HS6ST3: variants seen among roughly 807,000 people sequenced by gnomAD.
HS6ST3 encodes the protein heparan-sulfate 6-O-sulfotransferase 3.
Under a neutral mutation model 36.7 loss-of-function variants are expected in HS6ST3, and 12 were observed. That is an observed-to-expected ratio of 0.33 (90% CI 0.21 to 0.53). The LOEUF (loss-of-function observed/expected upper bound fraction) is 0.53. HS6ST3 is among the 20% of genes least tolerant of loss of function. HS6ST3 has a pLI of 0.95. For synonymous variants in HS6ST3, 240 were observed against 257.5 expected (o/e 0.93, Z 0.65); for missense variants, 584 against 640.9 (o/e 0.91, Z 0.96).
At chr13:96,255,453 G>T (rs1025802320) in intron 1 of HS6ST3, among the ~76,000 whole-genome samples, 2 of 152,082 alleles carry the variant, frequency 1.3e-5, no homozygotes, top group Admixed American at 1.3e-4. Context: ...GTATATATTT[G>T]TCTAATACAC....
At chr13:96,391,273 C>T (rs1176827357) in intron 1 of HS6ST3, among the ~76,000 whole-genome samples, 1 of 152,064 alleles carries the variant, frequency 6.6e-6, no homozygotes, top group African/African-American at 2.4e-5. Context: ...GCTGTGTGTT[C>T]CCATTACTTT....
chr13:96,224,710 T>C (rs2054472033), intron 1 of HS6ST3, among the ~76,000 whole-genome samples: 1 of 152,182 alleles, frequency 6.6e-6, no homozygotes, highest in African/African-American at 2.4e-5. Context: ...TGTTTTAGGA[T>C]AAAAGGAGAC....
intron 1 of HS6ST3, among the ~76,000 whole-genome samples, chr13:96,615,021 A>G (rs1156237892): frequency 6.6e-6 from 1 of 152,104 alleles, no homozygotes; most frequent in Non-Finnish European, 1.5e-5. Flanking sequence ...TACATTTTTT[A>G]CAAGATATCT....
At chr13:96,180,793 C>G (rs2054236219) in intron 1 of HS6ST3, among the ~76,000 whole-genome samples, 1 of 152,120 alleles carries the variant, frequency 6.6e-6, no homozygotes, top group Non-Finnish European at 1.5e-5. Context: ...TCATAGCTAC[C>G]AAGTGGTGAG....
rs144062960 is a variant in HS6ST3 at position 96,316,382 on chromosome 13, T to A, written c.707+224813T>A. Among the ~76,000 whole-genome samples the A allele has an allele frequency of 7.2e-4, 109 of 151,944 alleles. 2 individuals carry two copies. The highest frequency in any genetic ancestry group is 2.5e-3 in the African/African-American group (104 of 41,462). On this transcript the variant is annotated intron_variant, in intron 1 of 1. Coordinates refer to ENST00000376705, the MANE Select transcript of HS6ST3 (RefSeq NM_153456.4). ...TCAAAACGAAGAATCAAATAAAAAGTAAACATAACTTCCCTAAGTTCCAAA... is the reference window on the plus strand; with the variant it reads ...TCAAAACGAAGAATCAAATAAAAAGAAAACATAACTTCCCTAAGTTCCAAA...
chr13:96,748,632 C>A (rs1035449651), intron 1 of HS6ST3, among the ~76,000 whole-genome samples: 36 of 151,918 alleles, frequency 2.4e-4, no homozygotes, highest in African/African-American at 8.2e-4. Context: ...CTGGTCTCAC[C>A]CACTACAATG....
intron 1 of HS6ST3, among the ~76,000 whole-genome samples, chr13:96,827,445 T>G (rs1878672519): frequency 6.6e-6 from 1 of 152,208 alleles, no homozygotes; most frequent in South Asian, 2.1e-4. Context: ...TATTATTACT[T>G]CTAACTTTCT....
In HS6ST3 at chr13:96,833,954, C is replaced by A. The variant is rs1399073259; in HGVS notation, c.*756C>A. The stretch of plus-strand genomic sequence containing the variant: ...GTAGGAGCATTTAAGAGAAAACTTG[C>A]TTATTTGCTAATGCCTAAAGGGGTC... On this transcript the variant is annotated 3_prime_UTR_variant, in exon 2 of 2. Coordinates refer to ENST00000376705, the MANE Select transcript of HS6ST3 (RefSeq NM_153456.4). 6.6e-6 allele frequency: 1 copy of A among 152,070 alleles called. No homozygotes were observed. The highest frequency in any genetic ancestry group is 1.5e-5 in the Non-Finnish European group (1 of 67,998). 9.4% of individuals were successfully genotyped at this position (152,070 alleles called of 1,614,324 possible). A position where few individuals can be genotyped will look rare whatever the true frequency, so the allele number is the denominator to read the frequency against.
chr13:96,156,632 C>T (rs1161645028), intron 1 of HS6ST3, among the ~76,000 whole-genome samples: 2 of 152,044 alleles, frequency 1.3e-5, no homozygotes, highest in African/African-American at 4.8e-5. Flanking sequence ...AGGACATGGG[C>T]TTTGTGTGGG....
intron 1 of HS6ST3, among the ~76,000 whole-genome samples, chr13:96,189,074 T>C (rs1231470998): frequency 6.6e-6 from 1 of 152,154 alleles, no homozygotes; most frequent in Admixed American, 6.5e-5. Context: ...TCATTTTTCT[T>C]CATCTATAAT....
intron 1 of HS6ST3, among the ~76,000 whole-genome samples, chr13:96,456,463 A>G (rs2055755236): frequency 6.6e-6 from 1 of 152,152 alleles, no homozygotes; most frequent in African/African-American, 2.4e-5. Flanking sequence ...GCATTTTCCT[A>G]AGTTGTAAGT....
chr13:96,214,006 A>G (rs1014456224), intron 1 of HS6ST3, among the ~76,000 whole-genome samples: 15 of 152,176 alleles, frequency 9.9e-5, no homozygotes, highest in Admixed American at 5.2e-4. Context: ...ATAAAACCTA[A>G]CAATTACAGT....
chr13:96,490,971 A>G (rs1289411194), intron 1 of HS6ST3, among the ~76,000 whole-genome samples: 1 of 152,206 alleles, frequency 6.6e-6, no homozygotes, highest in African/African-American at 2.4e-5. Flanking sequence ...CCATGTATTT[A>G]GGATATGGTT....
chr13:96,295,714 G>T (rs1485180356), intron 1 of HS6ST3, among the ~76,000 whole-genome samples: 1 of 152,056 alleles, frequency 6.6e-6, no homozygotes, highest in Non-Finnish European at 1.5e-5. Flanking sequence ...GGACAGTTTT[G>T]GTGTCTGGTA....
chr13:96,346,120 G>C (rs886483471), intron 1 of HS6ST3, among the ~76,000 whole-genome samples: 2 of 152,172 alleles, frequency 1.3e-5, no homozygotes, highest in African/African-American at 4.8e-5. Flanking sequence ...ACCTCCTGCT[G>C]TGCAGCCCAG....
intron 1 of HS6ST3, among the ~76,000 whole-genome samples, chr13:96,512,181 C>T (rs2056052628): frequency 6.6e-6 from 1 of 152,154 alleles, no homozygotes; most frequent in African/African-American, 2.4e-5. Flanking sequence ...TGCCTCATTG[C>T]CACTCTCCAG....
At chr13:96,133,430 A>G (rs1160925125) in intron 1 of HS6ST3, among the ~76,000 whole-genome samples, 1 of 145,816 alleles carries the variant, frequency 6.9e-6, no homozygotes, top group Non-Finnish European at 1.5e-5. Context: ...CTGACCTATT[A>G]TCTTTTTTTT....
At chr13:96,809,498 C>T (rs957736425) in intron 1 of HS6ST3, among the ~76,000 whole-genome samples, 5 of 152,178 alleles carry the variant, frequency 3.3e-5, no homozygotes, top group Non-Finnish European at 7.3e-5. Flanking sequence ...AAACACAGAG[C>T]CCTCAGGTCC....
chr13:96,582,456 C>T lies in HS6ST3; in HGVS notation c.708-250034C>T, dbSNP rs147596844. On this transcript the variant is annotated intron_variant, in intron 1 of 1. Transcript: ENST00000376705. ...TGAAAATAAAATTCATGGAAAGAAG[C>T]CTATCCCAAGATCTTGTACTTGAGA... Among the ~76,000 whole-genome samples the T allele has an allele frequency of 3.1e-3, 479 of 152,246 alleles. 2 individuals carry two copies. Among genetic ancestry groups the T allele is most frequent in the African/African-American group, 1.0e-2 (415 of 41,548 alleles).
Sources: gnomAD v4.1 joint callset for allele counts (sites outside exome capture counted in the v4.1 genomes callset) on GRCh38, gnomAD v4.1.1 for gene constraint, MANE v1.5 for transcripts, NCBI Gene and HGNC (gene_info 2026-07-23, HGNC 2026-07-21) for gene names.